MLYCD: variants seen among roughly 807,000 people sequenced by gnomAD.
MLYCD encodes the protein malonyl-CoA decarboxylase, mitochondrial.
MLYCD carries 27 observed loss-of-function variants against 35.8 expected under a neutral mutation model. The ratio of observed to expected loss-of-function variants is 0.75; its 90% CI spans 0.56 to 1.04. The LOEUF is 1.04. Ranked by LOEUF, MLYCD falls within the 50% of genes least tolerant of loss-of-function variation. MLYCD has a pLI of 0.00. For synonymous variants in MLYCD, 403 were observed against 302.4 expected (o/e 1.33, Z -3.45); for missense variants, 917 against 665.1 (o/e 1.38, Z -4.17).
Position 83,915,703 on chromosome 16 carries a change from C to T in MLYCD, c.*214C>T, listed in dbSNP as rs1857795553. On this transcript the variant is annotated 3_prime_UTR_variant, in exon 5 of 5. Transcript: ENST00000262430. ...TGCAAGACGGTTGTGGGTGCGGGTGCACACAAATGAGTGGGTTGCTGTGCT... is the reference window on the plus strand; with the variant it reads ...TGCAAGACGGTTGTGGGTGCGGGTGTACACAAATGAGTGGGTTGCTGTGCT... The T allele has an allele frequency of 1.4e-6, 2 of 1,441,654 alleles. No homozygotes were observed. The highest frequency in any genetic ancestry group is 5.1e-5 in the East Asian group (2 of 38,930). 89.3% of individuals were successfully genotyped at this position (1,441,654 alleles called of 1,614,324 possible). A position where few individuals can be genotyped will look rare whatever the true frequency, so the allele number is the denominator to read the frequency against.
chr16:83,905,902 C>T (rs28670300), intron 1 of MLYCD, among the ~76,000 whole-genome samples: 1,989 of 152,342 alleles, frequency 0.013, 42 homozygotes, highest in African/African-American at 0.042. Context: ...TGCTCAGGGC[C>T]TTGTGTTCTG....
chr16:83,912,443 G>C, intron 4 of MLYCD, 76 bp downstream of exon 4: 1 of 1,580,622 alleles, frequency 6.3e-7, no homozygotes, highest in Non-Finnish European at 8.7e-7. Context: ...GGGGTGTCAG[G>C]TGCCATGAGG....
rs1041043253 is a variant in MLYCD, at chr16:83,917,161, G to C, written c.*1672G>C. The C allele has an allele frequency of 7.2e-6, 1 of 139,298 alleles. No individual in the cohort carries two copies. The highest frequency in any genetic ancestry group is 2.8e-5 in the African/African-American group (1 of 36,114). 8.6% of individuals were successfully genotyped at this position (139,298 alleles called of 1,614,324 possible). On this transcript the variant is annotated 3_prime_UTR_variant, in exon 5 of 5. Coordinates refer to ENST00000262430, the MANE Select transcript of MLYCD (RefSeq NM_012213.3). ...TATGTGGATCAGTGCACGCCTGTGT[G>C]CGTGTGCACGAGCGTCTCTGTGTGT... is the stretch of plus-strand genomic sequence containing the variant.
rs1046613919 is a variant in MLYCD at position 83,923,508 on chromosome 16, G to C, written c.*8019G>C. The C allele has an allele frequency of 6.6e-6, 1 of 152,218 alleles. No individual in the cohort carries two copies. The highest frequency in any genetic ancestry group is 1.5e-5 in the Non-Finnish European group (1 of 68,038). The allele number at this position is 152,218 out of a possible 1,614,324, so 9.4% of individuals were successfully genotyped here. ...ACATTGCATTTGCGTTTCCCGCCTGGCTAGTTCTTGATCATTGAGGAAGGC... is the reference window on the plus strand; with the variant it reads ...ACATTGCATTTGCGTTTCCCGCCTGCCTAGTTCTTGATCATTGAGGAAGGC... On this transcript the variant is annotated 3_prime_UTR_variant, in exon 5 of 5. Coordinates refer to ENST00000262430, the MANE Select transcript of MLYCD (RefSeq NM_012213.3).
At position 83,915,972 on chromosome 16, in the gene MLYCD, C is replaced by G. The variant is rs1290847080; in HGVS notation, c.*483C>G. On this transcript the variant is annotated 3_prime_UTR_variant, in exon 5 of 5. Coordinates refer to ENST00000262430, the MANE Select transcript of MLYCD (RefSeq NM_012213.3). Reference sequence around the variant, plus strand: ...CCATGCAATGCAGAGGGACAAAGGGCTGTGCTACACTTCCCAGTTACATTC... The same window carrying G: ...CCATGCAATGCAGAGGGACAAAGGGGTGTGCTACACTTCCCAGTTACATTC... The G allele has an allele frequency of 1.1e-5, 11 of 1,026,876 alleles. No individual in the cohort carries two copies. In the African/African-American group the frequency reaches 1.7e-4, roughly 16 times the overall value. 63.6% of individuals were successfully genotyped at this position (1,026,876 alleles called of 1,614,324 possible). A position where few individuals can be genotyped will look rare whatever the true frequency, so the allele number is the denominator to read the frequency against.
At chr16:83,911,063 G>A (rs941580906) in intron 3 of MLYCD, among the ~76,000 whole-genome samples, 4 of 151,974 alleles carry the variant, frequency 2.6e-5, no homozygotes, top group African/African-American at 4.8e-5. Context: ...TGCAACCTCC[G>A]CCTCCCGGGT....
At position 83,899,350 on chromosome 16, in the gene MLYCD, C is replaced by A; in HGVS notation, c.206C>A (p.Ala69Glu). The change falls in exon 1 of 5, where the codon GCG becomes GAG. Residue 69 changes from alanine (A) to glutamate (E), a missense_variant. Coordinates refer to ENST00000262430, the MANE Select transcript of MLYCD (RefSeq NM_012213.3). ...CCGGCGCCCGCCGAGGGTCAGTGCG[C>A]GGACTTCGTGAGCTTCTACGGTGGG... ...KTPAPAEGQC[A>E]DFVSFYGGLA... is the part of the protein sequence containing the mutation. 1.3e-6 allele frequency: 2 copies of A among 1,522,960 alleles called. No individual in the cohort carries two copies. Among genetic ancestry groups the A allele is most frequent in the Admixed American group, 2.0e-5 (1 of 50,096 alleles). The allele number at this position is 1,522,960 out of a possible 1,614,324, so 94.3% of individuals were successfully genotyped here. A position where few individuals can be genotyped will look rare whatever the true frequency, so the allele number is the denominator to read the frequency against.
In MLYCD at chr16:83,919,959, T is replaced by G. The variant is rs1567639821; in HGVS notation, c.*4470T>G. 1 of 148,306 alleles carries G rather than the reference T, an allele frequency of 6.7e-6. No homozygotes were observed. Among genetic ancestry groups the G allele is most frequent in the Non-Finnish European group, 1.5e-5 (1 of 67,578 alleles). The allele number at this position is 148,306 out of a possible 1,614,324, so 9.2% of individuals were successfully genotyped here. A position where few individuals can be genotyped will look rare whatever the true frequency, so the allele number is the denominator to read the frequency against. On this transcript the variant is annotated 3_prime_UTR_variant, in exon 5 of 5. Coordinates refer to ENST00000262430, the MANE Select transcript of MLYCD (RefSeq NM_012213.3). ...CCATGCACAGGAGAACACACGCAATTCACAGGACACAACAGAACACACGCA... is the reference window on the plus strand; with the variant it reads ...CCATGCACAGGAGAACACACGCAATGCACAGGACACAACAGAACACACGCA...
rs2151063290 is a variant in MLYCD, at chr16:83,921,559, T to C, written c.*6070T>C. 6.6e-6 allele frequency: 1 copy of C among 152,260 alleles called. No individual in the cohort carries two copies. Among genetic ancestry groups the C allele is most frequent in the East Asian group, 1.9e-4 (1 of 5,174 alleles). 9.4% of individuals were successfully genotyped at this position (152,260 alleles called of 1,614,324 possible). The stretch of plus-strand genomic sequence containing the variant: ...GGATGTTAGGATGGGTGGATGGATG[T>C]ATTAACATCCCTTCTCCATGCCTCA... On this transcript the variant is annotated 3_prime_UTR_variant, in exon 5 of 5. Transcript: ENST00000262430.
Position 83,915,835 on chromosome 16 carries a change from C to G in MLYCD, c.*346C>G. The stretch of plus-strand genomic sequence containing the variant: ...TGTGCAGCCTCTGCCATTGCCATCC[C>G]AGGGGGATCTGGCATCCTCCTAAGG... On this transcript the variant is annotated 3_prime_UTR_variant, in exon 5 of 5. Transcript: ENST00000262430. 8.2e-7 allele frequency: 1 copy of G among 1,224,232 alleles called. No homozygotes were observed. The highest frequency in any genetic ancestry group is 1.7e-5 in the South Asian group (1 of 59,048). The allele number at this position is 1,224,232 out of a possible 1,614,324, so 75.8% of individuals were successfully genotyped here.
At position 83,919,758 on chromosome 16, in the gene MLYCD, A is replaced by G. The variant is rs1412125077; in HGVS notation, c.*4269A>G. ...ACACAGTGCACAGAACACACGGTGCACAGGAGAACACATGGTGCACAGGAG... is the reference window on the plus strand; with the variant it reads ...ACACAGTGCACAGAACACACGGTGCGCAGGAGAACACATGGTGCACAGGAG... On this transcript the variant is annotated 3_prime_UTR_variant, in exon 5 of 5. Coordinates refer to ENST00000262430, the MANE Select transcript of MLYCD (RefSeq NM_012213.3). 2.0e-5 allele frequency: 3 copies of G among 151,652 alleles called. No individual in the cohort carries two copies. The highest frequency in any genetic ancestry group is 6.6e-5 in the Admixed American group (1 of 15,200). 9.4% of individuals were successfully genotyped at this position (151,652 alleles called of 1,614,324 possible).
chr16:83,914,538 A>G (rs1420075096), intron 4 of MLYCD: 1 of 298,058 alleles, frequency 3.4e-6, no homozygotes, highest in Admixed American at 4.7e-5. Flanking sequence ...TTTTGCCGAC[A>G]TGAGAAGGGA....
At chr16:83,910,026 C>G (rs1174737851) in intron 3 of MLYCD, among the ~76,000 whole-genome samples, 1 of 152,088 alleles carries the variant, frequency 6.6e-6, no homozygotes, top group Admixed American at 6.6e-5. Context: ...AACTGGAATT[C>G]AGACCCAGCT....
rs1181193186 is a variant in MLYCD at position 83,917,179 on chromosome 16, CTGTG to C, written c.*1696_*1699del. ...CCTGTGTGCGTGTGCACGAGCGTCT[CTGTG>C]TGTGTCAGTGCACGTCTGTGTGTGC... On this transcript the variant is annotated 3_prime_UTR_variant, in exon 5 of 5. Coordinates refer to ENST00000262430, the MANE Select transcript of MLYCD (RefSeq NM_012213.3). 4 of 136,758 alleles carry C rather than the reference CTGTG, an allele frequency of 2.9e-5. No homozygotes were observed. Among genetic ancestry groups the C allele is most frequent in the Non-Finnish European group, 6.1e-5 (4 of 65,170 alleles). The allele number at this position is 136,758 out of a possible 1,614,324, so 8.5% of individuals were successfully genotyped here. A position where few individuals can be genotyped will look rare whatever the true frequency, so the allele number is the denominator to read the frequency against.
rs752501198 is a variant in MLYCD, at chr16:83,899,340, G to T, written c.196G>T (p.Gly66Cys). The T allele has an allele frequency of 6.6e-7, 1 of 1,516,032 alleles. No individual in the cohort carries two copies. Among genetic ancestry groups the T allele is most frequent in the Non-Finnish European group, 8.8e-7 (1 of 1,140,158 alleles). 93.9% of individuals were successfully genotyped at this position (1,516,032 alleles called of 1,614,324 possible). A position where few individuals can be genotyped will look rare whatever the true frequency, so the allele number is the denominator to read the frequency against. ...CGAGAAGACACCGGCGCCCGCCGAG[G>T]GTCAGTGCGCGGACTTCGTGAGCTT... ...LREKTPAPAE[G>C]QCADFVSFYG... The change falls in exon 1 of 5, where the codon GGT becomes TGT. Residue 66 changes from glycine to cysteine, a missense_variant. Physicochemically the swap from Gly to Cys is radical, Grantham distance 159. Coordinates refer to ENST00000262430, the MANE Select transcript of MLYCD (RefSeq NM_012213.3).
At position 83,924,047 on chromosome 16, in the gene MLYCD, G is replaced by A. The variant is rs948188089; in HGVS notation, c.*8558G>A. 23 of 152,152 alleles carry A rather than the reference G, an allele frequency of 1.5e-4. No individual in the cohort carries two copies. Among genetic ancestry groups the A allele is most frequent in the Admixed American group, 1.0e-3 (16 of 15,278 alleles). The allele number at this position is 152,152 out of a possible 1,614,324, so 9.4% of individuals were successfully genotyped here. On this transcript the variant is annotated 3_prime_UTR_variant, in exon 5 of 5. Coordinates refer to ENST00000262430, the MANE Select transcript of MLYCD (RefSeq NM_012213.3). ...GCTGGCCGTATCGGTCCGAGCCCTC[G>A]GCTGCCAGGGAGAGAAGCTGAGCTC...
chr16:83,902,504 ATTTTTT>A (rs67006643), intron 1 of MLYCD, among the ~76,000 whole-genome samples: 8 of 127,556 alleles, frequency 6.3e-5, no homozygotes, highest in African/African-American at 2.1e-4. Context: ...TTTTAATCTG[ATTTTTT>A]TTTTTTTTTT....
At position 83,915,532 on chromosome 16, in the gene MLYCD, G is replaced by A. The variant is rs1318420546; in HGVS notation, c.*43G>A. ...AGCACAGGGCCCCGGCTAAGAAAAC[G>A]ATCATTTTCAGGAGGGGCCGGGAGT... On this transcript the variant is annotated 3_prime_UTR_variant, in exon 5 of 5. Coordinates refer to ENST00000262430, the MANE Select transcript of MLYCD (RefSeq NM_012213.3). The A allele has an allele frequency of 6.3e-7, 1 of 1,599,380 alleles. No homozygotes were observed. The highest frequency in any genetic ancestry group is 2.2e-5 in the East Asian group (1 of 44,856).
At chr16:83,901,590 G>A (rs957833086) in intron 1 of MLYCD, among the ~76,000 whole-genome samples, 4 of 152,100 alleles carry the variant, frequency 2.6e-5, no homozygotes, top group South Asian at 2.1e-4. Flanking sequence ...TCTCACATCC[G>A]GTCCAATTCT....
Sources: allele counts gnomAD v4.1 joint callset (sites outside exome capture counted in the v4.1 genomes callset), GRCh38; gene constraint gnomAD v4.1.1; transcripts MANE v1.5; gene names NCBI Gene and HGNC (gene_info 2026-07-23, HGNC 2026-07-21).